Variants in YY1AP1 observed in about 807,000 individuals in gnomAD.
The protein encoded by YY1AP1 is YY1-associated protein 1.
Under a neutral mutation model 39.9 loss-of-function variants are expected in YY1AP1, and 43 were observed. The ratio of observed to expected loss-of-function variants is 1.08; its 90% confidence interval spans 0.84 to 1.39. The LOEUF is 1.39. Ranked by LOEUF, YY1AP1 falls within the 40% of genes most tolerant of loss-of-function variation. The pLI is 0.00. For missense variants in YY1AP1, 813 were observed against 900.7 expected, an observed-to-expected ratio of 0.90 and a Z score of 1.25; for synonymous variants, 292 against 331.3, an observed-to-expected ratio of 0.88 and a Z score of 1.29.
Position 155,676,632 on chromosome 1 carries a change from CT to C in YY1AP1, c.239del (p.Lys80ArgfsTer13). 1 of 1,614,164 alleles carries C rather than the reference CT, an allele frequency of 6.2e-7. No homozygotes were observed. The highest frequency in any genetic ancestry group is 8.5e-7 in the Non-Finnish European group (1 of 1,180,036). On this transcript the variant is annotated frameshift_variant, in exon 5 of 11. Coordinates refer to ENST00000355499, the MANE Select transcript of YY1AP1 (RefSeq NM_139119.3). LOFTEE classifies it high-confidence loss of function. ...PSAKQQKEVE[K>X]VKPQCKEVHQ... The stretch of plus-strand genomic sequence containing the variant: ...GAACTTCCTTACACTGGGGTTTAAC[CT>C]TCTCTACCTCCTTCTGCTGTTTGGC...
chr1:155,684,867 T>G (rs1451207093), intron 2 of YY1AP1, among the ~76,000 whole-genome samples: 1 of 152,198 alleles, frequency 6.6e-6, no homozygotes, highest in Non-Finnish European at 1.5e-5. Context: ...ATTACAGGCG[T>G]GAGCCACCCC....
intron 9 of YY1AP1, among the ~76,000 whole-genome samples, chr1:155,663,845 T>C (rs1648540594): frequency 6.6e-6 from 1 of 152,130 alleles, no homozygotes; most frequent in Non-Finnish European, 1.5e-5. Context: ...AAATCCTGCA[T>C]GCTGTCAGAG....
chr1:155,677,511 T>C (rs755819667), intron 4 of YY1AP1, among the ~76,000 whole-genome samples: 1 of 152,198 alleles, frequency 6.6e-6, no homozygotes, highest in Non-Finnish European at 1.5e-5. Context: ...CATATGCTGA[T>C]ACCCTATGCA....
chr1:155,688,505 G>C, intron 1 of YY1AP1, 154 bp downstream of exon 1: 1 of 1,547,846 alleles, frequency 6.5e-7, no homozygotes, highest in Non-Finnish European at 8.7e-7. Flanking sequence ...AGTGTCTACG[G>C]GCTCGTCGCT....
In YY1AP1 at chr1:155,659,855, A is replaced by G. The variant is rs774014855; in HGVS notation, c.2055T>C (p.Asp685=). Reference sequence around the variant, plus strand: ...CTGACAATCCTTCTTGGCACTGTTTATCGACTGGTGGAGGCCCTGGGCTAT... The same window carrying G: ...CTGACAATCCTTCTTGGCACTGTTTGTCGACTGGTGGAGGCCCTGGGCTAT... The part of the protein sequence containing the change: ...VEHSPGPPPV[D]KQCQEGLSEN... Residue 685 remains aspartate (D), a synonymous_variant, in exon 11 of 11, where the codon GAT becomes GAC. Coordinates refer to ENST00000355499, the MANE Select transcript of YY1AP1 (RefSeq NM_139119.3). 1.5e-5 allele frequency: 24 copies of G among 1,614,100 alleles called. No homozygotes were observed. Among genetic ancestry groups the G allele is most frequent in the Non-Finnish European group, 1.7e-5 (20 of 1,180,054 alleles).
upstream of YY1AP1, chr1:155,688,952 C>T (rs1653218165): frequency 1.2e-6 from 2 of 1,611,254 alleles, no homozygotes; most frequent in Admixed American, 1.7e-5. Flanking sequence ...GTCGCCGCGG[C>T]GCTGCGGCTC....
At position 155,659,828 on chromosome 1, in the gene YY1AP1, C is replaced by G. The variant is rs1465414712; in HGVS notation, c.2082G>C (p.Glu694Asp). ...VDKQCQEGLS[E>D]NSAYRWTVVK... Reference sequence around the variant, plus strand: ...CAACGGTCCAGCGATAGGCACTGTTCTCTGACAATCCTTCTTGGCACTGTT... The same window carrying G: ...CAACGGTCCAGCGATAGGCACTGTTGTCTGACAATCCTTCTTGGCACTGTT... Residue 694 changes from glutamate to aspartate, a missense_variant, in exon 11 of 11, where the codon GAG becomes GAC. By Grantham distance (45) the Glu-to-Asp change is conservative (BLOSUM62 2). Around this residue, in one of 3 missense-constraint regions of YY1AP1, gnomAD observed 586 missense variants for 647.4 expected, o/e 0.91. Coordinates refer to ENST00000355499, the MANE Select transcript of YY1AP1 (RefSeq NM_139119.3). The G allele has an allele frequency of 1.2e-6, 2 of 1,614,108 alleles. No homozygotes were observed. The highest frequency in any genetic ancestry group is 2.2e-5 in the East Asian group (1 of 44,904).
Position 155,672,729 on chromosome 1 carries a change from T to G in YY1AP1, c.414A>C (p.Lys138Asn), listed in dbSNP as rs1315985051. Residue 138 changes from lysine to asparagine, a missense_variant and splice_region_variant, in exon 7 of 11, where the codon AAA (lysine) becomes AAC (asparagine). Physicochemically the swap from Lys to Asn is moderately conservative, Grantham distance 94 (BLOSUM62 0). Coordinates refer to ENST00000355499, the MANE Select transcript of YY1AP1 (RefSeq NM_139119.3). ...PEASSTRICL[K>N]ELGTFAQSSI... ...AGCTTTGAGCAAAGGTTCCCAGCTC[T>G]TTCTGGGAAAACACGACACAAGGAA... is the stretch of plus-strand genomic sequence containing the variant. The G allele has an allele frequency of 3.1e-6, 5 of 1,614,192 alleles. No homozygotes were observed. Among genetic ancestry groups the G allele is most frequent in the Non-Finnish European group, 4.2e-6 (5 of 1,180,030 alleles).
chr1:155,664,632 G>A (rs2149030038), intron 9 of YY1AP1, among the ~76,000 whole-genome samples: 1 of 152,046 alleles, frequency 6.6e-6, no homozygotes, highest in Non-Finnish European at 1.5e-5. Flanking sequence ...GGCTGAGGCA[G>A]GAGAATCGCT....
chr1:155,664,829 G>C (rs926300682), intron 9 of YY1AP1, among the ~76,000 whole-genome samples: 3 of 149,086 alleles, frequency 2.0e-5, no homozygotes, highest in Non-Finnish European at 4.4e-5. Flanking sequence ...GAGTGTAGTG[G>C]CGAGATCTCG....
chr1:155,669,144 G>A (rs1340263458), intron 8 of YY1AP1, among the ~76,000 whole-genome samples: 2 of 152,120 alleles, frequency 1.3e-5, no homozygotes, highest in African/African-American at 2.4e-5. Flanking sequence ...ATCGATTCCC[G>A]CACTTCAGCC....
At chr1:155,664,337 A>G (rs1282969056) in intron 9 of YY1AP1, among the ~76,000 whole-genome samples, 1 of 152,214 alleles carries the variant, frequency 6.6e-6, no homozygotes. Context: ...AAGAGGTCCC[A>G]TGTACCCTTC....
intron 2 of YY1AP1, among the ~76,000 whole-genome samples, chr1:155,686,466 C>T (rs1652363856): frequency 6.6e-6 from 1 of 152,102 alleles, no homozygotes; most frequent in East Asian, 1.9e-4. Flanking sequence ...GTTTTAATTC[C>T]ACACTGCCTC....
At chr1:155,661,542 CACACACACAA>C (rs1648141791) in intron 9 of YY1AP1, 119 bp from the exon 10 acceptor site, 1 of 1,552,430 alleles carries the variant, frequency 6.4e-7, no homozygotes, top group Admixed American at 1.7e-5. Flanking sequence ...CACACACACA[CACACACACAA>C]GACCACATAC....
rs1648096147 is a variant in YY1AP1, at chr1:155,661,440, T to C, written c.880-17A>G. The C allele has an allele frequency of 2.5e-6, 4 of 1,612,646 alleles. No individual in the cohort carries two copies. The highest frequency in any genetic ancestry group is 3.4e-6 in the Non-Finnish European group (4 of 1,179,686). ...CTTATAAAACTTAACATGAAAAAAA[T>C]GCGCATGAATTACATTCCTTCTGGA... is the stretch of plus-strand genomic sequence containing the variant. On this transcript the variant is annotated splice_polypyrimidine_tract_variant and intron_variant, in intron 9 of 10. Coordinates refer to ENST00000355499, the MANE Select transcript of YY1AP1 (RefSeq NM_139119.3).
At chr1:155,670,716 C>G in intron 7 of YY1AP1, 1 of 393,096 alleles carries the variant, frequency 2.5e-6, no homozygotes, top group Admixed American at 4.0e-5. Flanking sequence ...GGCTCTGTCG[C>G]CCAGACTGGA....
chr1:155,670,262 C>T (rs1312660718), intron 8 of YY1AP1, 58 bp downstream of exon 8: 1 of 1,609,196 alleles, frequency 6.2e-7, no homozygotes, highest in African/African-American at 1.3e-5. Flanking sequence ...CCCCTAAACT[C>T]CTCAAAGGAA....
At chr1:155,667,264 C>T (rs1306337903) in intron 9 of YY1AP1, among the ~76,000 whole-genome samples, 1 of 152,006 alleles carries the variant, frequency 6.6e-6, no homozygotes, top group Non-Finnish European at 1.5e-5. Context: ...TCTGGGAGGC[C>T]GAGCTGAGGC....
chr1:155,666,410 C>T (rs1376507201), intron 9 of YY1AP1, among the ~76,000 whole-genome samples: 4 of 152,186 alleles, frequency 2.6e-5, no homozygotes, highest in South Asian at 2.1e-4. Context: ...CGTGAGCCAC[C>T]GCGCCCAGCC....
Sources: allele counts gnomAD v4.1 joint callset (sites outside exome capture counted in the v4.1 genomes callset), GRCh38; gene constraint gnomAD v4.1.1; regional missense constraint gnomAD v4.1.1; transcripts MANE v1.5; gene names NCBI Gene and HGNC (gene_info 2026-07-23, HGNC 2026-07-21).